Variants in TMEM135 observed in about 807,000 individuals in gnomAD.
The protein encoded by TMEM135 is transmembrane protein 135, also known as peroxisomal membrane protein 52.
A neutral mutation model predicts 60.3 loss-of-function variants in TMEM135; 30 were observed. That is an observed-to-expected ratio of 0.50 (90% CI 0.37 to 0.68). TMEM135 has a LOEUF of 0.68. Among genes scored for constraint, TMEM135 ranks in the 30% least tolerant of loss-of-function variants. The pLI is 0.00. For synonymous variants in TMEM135, 190 were observed against 186.7 expected (o/e 1.02, Z -0.14); for missense variants, 468 against 548.8 (o/e 0.85, Z 1.47).
intron 14 of TMEM135, among the ~76,000 whole-genome samples, chr11:87,320,985 C>A (rs1023667529): frequency 4.3e-4 from 65 of 152,126 alleles, no homozygotes; most frequent in African/African-American, 1.5e-3. Flanking sequence ...TCTCTTTAAT[C>A]CTTAATCCTA....
At chr11:87,294,194 A>G (rs2135432653) in intron 6 of TMEM135, among the ~76,000 whole-genome samples, 1 of 152,226 alleles carries the variant, frequency 6.6e-6, no homozygotes, top group East Asian at 1.9e-4. Flanking sequence ...TCCTTTGCCC[A>G]CTTTTTGATG....
intron 5 of TMEM135, among the ~76,000 whole-genome samples, chr11:87,193,614 G>C (rs968770450): frequency 6.6e-6 from 1 of 151,684 alleles, no homozygotes; most frequent in Non-Finnish European, 1.5e-5. Flanking sequence ...TGATTTTGTG[G>C]CTTATGTAAT....
intron 6 of TMEM135, among the ~76,000 whole-genome samples, chr11:87,252,085 G>T (rs1034388616): frequency 6.6e-6 from 1 of 152,070 alleles, no homozygotes; most frequent in Non-Finnish European, 1.5e-5. Flanking sequence ...GAAAAAGATA[G>T]GGCCATTTGC....
chr11:87,316,619 A>G (rs1173818811), intron 12 of TMEM135, among the ~76,000 whole-genome samples: 1 of 152,066 alleles, frequency 6.6e-6, no homozygotes, highest in Non-Finnish European at 1.5e-5. Context: ...GATTTGGTGT[A>G]TGTTTAAGAG....
chr11:87,100,787 A>G (rs1354897587), intron 4 of TMEM135, among the ~76,000 whole-genome samples: 3 of 152,158 alleles, frequency 2.0e-5, no homozygotes, highest in Admixed American at 6.5e-5. Flanking sequence ...GCTTGAACCC[A>G]GGAGGTGGAG....
chr11:87,160,575 A>G (rs544093034), intron 5 of TMEM135, among the ~76,000 whole-genome samples: 2 of 152,216 alleles, frequency 1.3e-5, no homozygotes, highest in Non-Finnish European at 2.9e-5. Context: ...ATGTACAGTA[A>G]TTCACTTACT....
Position 87,138,122 on chromosome 11 carries a change from G to A in TMEM135, c.397-19219G>A, listed in dbSNP as rs1043062792. On this transcript the variant is annotated intron_variant, in intron 4 of 14. Transcript: ENST00000305494. ...TTTTTTTCCTTTTAGACTGAGTCTCGCTCTGTCACCCAGGCTGGAGTGCAG... is the reference window on the plus strand; with the variant it reads ...TTTTTTTCCTTTTAGACTGAGTCTCACTCTGTCACCCAGGCTGGAGTGCAG... Among the ~76,000 whole-genome samples the A allele has an allele frequency of 3.6e-5, 5 of 138,934 alleles. No homozygotes were observed. In the East Asian group the frequency reaches 6.4e-4, roughly 18 times the overall value. The allele number at this position is 138,934 out of a possible 152,430, so 91.1% of individuals were successfully genotyped here. A position where few individuals can be genotyped will look rare whatever the true frequency, so the allele number is the denominator to read the frequency against.
chr11:87,070,814 G>T (rs1378438151), intron 2 of TMEM135, among the ~76,000 whole-genome samples: 2 of 152,152 alleles, frequency 1.3e-5, no homozygotes, highest in African/African-American at 4.8e-5. Flanking sequence ...AGTAAATGCT[G>T]TAAGAAAAAG....
At chr11:87,043,708 C>A (rs754633471) in intron 1 of TMEM135, among the ~76,000 whole-genome samples, 1 of 151,372 alleles carries the variant, frequency 6.6e-6, no homozygotes, top group Non-Finnish European at 1.5e-5. Context: ...GGCAACAGAG[C>A]GAGACTCTGT....
At chr11:87,230,571 G>A (rs551145989) in intron 5 of TMEM135, among the ~76,000 whole-genome samples, 115 of 152,206 alleles carry the variant, frequency 7.6e-4, no homozygotes, top group Middle Eastern at 3.4e-3. Flanking sequence ...TAAATGATAT[G>A]ATCATTGATT....
intron 5 of TMEM135, among the ~76,000 whole-genome samples, chr11:87,210,026 G>A (rs144987886): frequency 2.4e-4 from 36 of 152,230 alleles, no homozygotes; most frequent in African/African-American, 7.2e-4. Flanking sequence ...CTAAAGCAGC[G>A]TTAAGAGGAA....
chr11:87,218,041 C>T (rs758989031), intron 5 of TMEM135, among the ~76,000 whole-genome samples: 1 of 152,008 alleles, frequency 6.6e-6, no homozygotes, highest in Non-Finnish European at 1.5e-5. Flanking sequence ...TGTACATCTT[C>T]CTAAAGACAT....
intron 4 of TMEM135, among the ~76,000 whole-genome samples, chr11:87,156,895 C>G (rs1227888690): frequency 2.0e-5 from 3 of 152,110 alleles, no homozygotes; most frequent in Admixed American, 2.0e-4. Context: ...TAATTCGAAA[C>G]TATAGTCCTG....
At chr11:87,210,127 C>T (rs1003606760) in intron 5 of TMEM135, among the ~76,000 whole-genome samples, 3 of 152,030 alleles carry the variant, frequency 2.0e-5, no homozygotes, top group East Asian at 1.9e-4. Context: ...AACAAGAGCA[C>T]ACCAACCCCA....
chr11:87,217,157 T>C (rs568331906), intron 5 of TMEM135, among the ~76,000 whole-genome samples: 1 of 152,348 alleles, frequency 6.6e-6, no homozygotes, highest in Non-Finnish European at 1.5e-5. Context: ...ATTAAAGTGT[T>C]TATAAATATT....
chr11:87,270,922 A>G (rs1041494083), intron 6 of TMEM135, among the ~76,000 whole-genome samples: 1 of 152,010 alleles, frequency 6.6e-6, no homozygotes, highest in Admixed American at 6.6e-5. Flanking sequence ...AGCTGTCATT[A>G]TTCTTTGGCT....
chr11:87,118,114 G>A (rs1591032075), intron 4 of TMEM135, among the ~76,000 whole-genome samples: 1 of 151,810 alleles, frequency 6.6e-6, no homozygotes, highest in East Asian at 1.9e-4. Context: ...TCTCAGCAGT[G>A]GGCTTAAAAT....
intron 6 of TMEM135, among the ~76,000 whole-genome samples, chr11:87,240,025 A>T (rs981678106): frequency 2.6e-5 from 4 of 152,138 alleles, no homozygotes; most frequent in Non-Finnish European, 5.9e-5. Context: ...AAATGGAATC[A>T]TCCACTTACT....
chr11:87,187,466 G>C (rs1160327947), intron 5 of TMEM135, among the ~76,000 whole-genome samples: 1 of 152,148 alleles, frequency 6.6e-6, no homozygotes. Context: ...TATTGAACTC[G>C]ATATAACCCT....
Sources: gnomAD v4.1 joint callset for allele counts (sites outside exome capture counted in the v4.1 genomes callset) on GRCh38, gnomAD v4.1.1 for gene constraint, MANE v1.5 for transcripts, NCBI Gene and HGNC (gene_info 2026-07-23, HGNC 2026-07-21) for gene names.